ITGB8: variants seen among roughly 807,000 people sequenced by gnomAD.
ITGB8 encodes integrin subunit beta 8.
A neutral mutation model predicts 89.5 loss-of-function variants in ITGB8; 30 were observed. The observed-to-expected ratio is 0.34, with a 90% CI of 0.25 to 0.45. The LOEUF (loss-of-function observed/expected upper bound fraction) is 0.45, where lower values mean the gene tolerates loss of function less well. Ranked by LOEUF, ITGB8 falls within the 20% of genes least tolerant of loss-of-function variation. The probability of loss-of-function intolerance (pLI) is 1.00; values close to 1 mark genes in which losing one functional copy is unlikely to be tolerated. For synonymous variants in ITGB8, 335 were observed against 320.4 expected, an observed-to-expected ratio of 1.05 and a Z score of -0.49; for missense variants, 836 against 933.3, an observed-to-expected ratio of 0.90 and a Z score of 1.36.
chr7:20,336,166 C>G (rs1156759324), intron 1 of ITGB8, among the ~76,000 whole-genome samples: 1 of 151,960 alleles, frequency 6.6e-6, no homozygotes, highest in Non-Finnish European at 1.5e-5. Flanking sequence ...CCACCACGCC[C>G]GGCTAATTTT....
At chr7:20,366,186 A>G (rs1426022554) in intron 2 of ITGB8, 1 of 152,208 alleles carries the variant, frequency 6.6e-6, no homozygotes, top group African/African-American at 2.4e-5. Context: ...GGAAGACATG[A>G]TATGTCTTGA....
chr7:20,341,082 A>T (rs1217320282), intron 1 of ITGB8, among the ~76,000 whole-genome samples: 1 of 152,232 alleles, frequency 6.6e-6, no homozygotes, highest in Non-Finnish European at 1.5e-5. Flanking sequence ...TTCTAGTTGG[A>T]AACAAAGACA....
chr7:20,369,206 T>C (rs1785829954), intron 3 of ITGB8, among the ~76,000 whole-genome samples: 1 of 152,166 alleles, frequency 6.6e-6, no homozygotes, highest in African/African-American at 2.4e-5. Flanking sequence ...TATTTGCACA[T>C]GAAGTAAATA....
chr7:20,404,245 C>T (rs1232002566), intron 10 of ITGB8, among the ~76,000 whole-genome samples: 1 of 152,222 alleles, frequency 6.6e-6, no homozygotes, highest in Non-Finnish European at 1.5e-5. Flanking sequence ...GAAGCCATAT[C>T]AAATACCTGT....
intron 1 of ITGB8, among the ~76,000 whole-genome samples, chr7:20,340,996 G>A (rs1784738380): frequency 6.6e-6 from 1 of 152,212 alleles, no homozygotes; most frequent in South Asian, 2.1e-4. Flanking sequence ...AGTCATGCAA[G>A]GTATTCATTG....
chr7:20,330,160 G>T (rs1784325979), upstream of ITGB8, among the ~76,000 whole-genome samples: 1 of 152,204 alleles, frequency 6.6e-6, no homozygotes, highest in Non-Finnish European at 1.5e-5. Flanking sequence ...TTAAGGTTTT[G>T]AGCAGAGAAG....
chr7:20,393,861 G>C (rs982300004), intron 7 of ITGB8, among the ~76,000 whole-genome samples: 2 of 152,126 alleles, frequency 1.3e-5, no homozygotes, highest in African/African-American at 2.4e-5. Flanking sequence ...ACCTTCCCCA[G>C]CTCTCAAATG....
intron 3 of ITGB8, among the ~76,000 whole-genome samples, chr7:20,375,193 A>G (rs936357121): frequency 1.3e-5 from 2 of 152,100 alleles, no homozygotes; most frequent in Non-Finnish European, 2.9e-5. Context: ...TTGAAATTCT[A>G]CATTCATAAA....
chr7:20,338,343 G>T (rs1388842648), intron 1 of ITGB8, among the ~76,000 whole-genome samples: 1 of 152,112 alleles, frequency 6.6e-6, no homozygotes. Context: ...AATATTACTG[G>T]GGGCCGGTTG....
Position 20,332,077 on chromosome 7 carries a change from C to G in ITGB8, c.127+144C>G. The G allele has an allele frequency of 2.8e-6, 4 of 1,433,964 alleles. No homozygotes were observed. In the South Asian group the frequency reaches 5.9e-5, roughly 21 times the overall value. 88.8% of individuals were successfully genotyped at this position (1,433,964 alleles called of 1,614,324 possible). A position where few individuals can be genotyped will look rare whatever the true frequency, so the allele number is the denominator to read the frequency against. On this transcript the variant is annotated intron_variant, in intron 1 of 13. Transcript: ENST00000222573. The stretch of plus-strand genomic sequence containing the variant: ...GGGGGCGGGTGCGGGGCAGCGTCCT[C>G]CAGCACAGATGGCCTAGAGGCCAGG...
chr7:20,356,808 TTGTACTTG>T (rs1583484808), intron 1 of ITGB8, among the ~76,000 whole-genome samples: 1 of 152,178 alleles, frequency 6.6e-6, no homozygotes, highest in African/African-American at 2.4e-5. Flanking sequence ...CTCTAAAAAC[TTGTACTTG>T]ATCCAATCAC....
intron 1 of ITGB8, among the ~76,000 whole-genome samples, chr7:20,360,915 C>CTTTTTTT (rs1167974755): frequency 3.7e-5 from 3 of 80,882 alleles, no homozygotes; most frequent in Non-Finnish European, 5.4e-5. Context: ...CAACTGCAGT[C>CTTTTTTT]TTTTTTTTTT....
chr7:20,333,647 A>G (rs1041044129), intron 1 of ITGB8, among the ~76,000 whole-genome samples: 4 of 152,186 alleles, frequency 2.6e-5, no homozygotes, highest in Non-Finnish European at 2.9e-5. Flanking sequence ...ATTTCTACCC[A>G]GTGTCTAAAA....
chr7:20,375,267 A>G lies in ITGB8; in HGVS notation c.389-3784A>G, dbSNP rs539769819. Among the ~76,000 whole-genome samples, 4 of 152,298 alleles carry G rather than the reference A, an allele frequency of 2.6e-5. 1 individual carries two copies. In the South Asian group the frequency reaches 6.2e-4, roughly 24 times the overall value. On this transcript the variant is annotated intron_variant, in intron 3 of 13. Transcript: ENST00000222573. ...ATAGTCAATTATAACTATTTTCCTCAAAGTTGGTCTTACCTATGTTTAGTG... is the reference window on the plus strand; with the variant it reads ...ATAGTCAATTATAACTATTTTCCTCGAAGTTGGTCTTACCTATGTTTAGTG...
intron 1 of ITGB8, among the ~76,000 whole-genome samples, chr7:20,336,404 C>T (rs910267130): frequency 6.6e-6 from 1 of 152,220 alleles, no homozygotes; most frequent in African/African-American, 2.4e-5. Context: ...TAAACCATGT[C>T]TCCACTACAC....
intron 9 of ITGB8, among the ~76,000 whole-genome samples, chr7:20,399,566 C>CA (rs35575681): frequency 0.46 from 67,095 of 145,196 alleles, 15,645 homozygotes; most frequent in Middle Eastern, 0.55. Flanking sequence ...CATCATTTAC[C>CA]AAAAAAAAAA....
chr7:20,404,518 A>G (rs1787452466), intron 10 of ITGB8, 110 bp from the exon 11 acceptor site: 1 of 849,792 alleles, frequency 1.2e-6, no homozygotes, highest in Admixed American at 2.0e-5. Flanking sequence ...GTTCCCATTC[A>G]TTGGACTGTC....
In ITGB8 at chr7:20,331,372, T is replaced by A; in HGVS notation, c.-435T>A. 1 of 397,734 alleles carries A rather than the reference T, an allele frequency of 2.5e-6. No homozygotes were observed. Among genetic ancestry groups the A allele is most frequent in the Non-Finnish European group, 4.4e-6 (1 of 226,394 alleles). 24.6% of individuals were successfully genotyped at this position (397,734 alleles called of 1,614,324 possible). A position where few individuals can be genotyped will look rare whatever the true frequency, so the allele number is the denominator to read the frequency against. On this transcript the variant is annotated 5_prime_UTR_variant, in exon 1 of 14. Transcript: ENST00000222573. The stretch of plus-strand genomic sequence containing the variant: ...CCCAGTGAATGTACATTAGGGTGGT[T>A]TCCCCCCCAGCTTCGGGCTTTGTTT...
At chr7:20,366,986 T>A in intron 2 of ITGB8, 26 bp from the exon 3 acceptor site, 2 of 1,555,678 alleles carry the variant, frequency 1.3e-6, no homozygotes, top group Non-Finnish European at 1.8e-6. Context: ...ACTAAAAACA[T>A]CAGTGATTTT....
Sources: allele counts gnomAD v4.1 joint callset (sites outside exome capture counted in the v4.1 genomes callset), GRCh38; gene constraint gnomAD v4.1.1; transcripts MANE v1.5; gene names NCBI Gene and HGNC (gene_info 2026-07-23, HGNC 2026-07-21).